The following MS4A10 variants were observed in gnomAD, a reference collection of about 807,000 sequenced individuals.
MS4A10 encodes membrane spanning 4-domains A10, also known as membrane-spanning 4-domains subfamily A member 10.
A neutral mutation model predicts 27.7 loss-of-function variants in MS4A10; 27 were observed. That is an observed-to-expected ratio of 0.98 (90% CI 0.72 to 1.35). The LOEUF (loss-of-function observed/expected upper bound fraction) is 1.35, where lower values mean the gene tolerates loss of function less well. MS4A10 is among the 40% of genes most tolerant of loss of function. The probability of loss-of-function intolerance (pLI) is 0.00; values close to 1 mark genes in which losing one functional copy is unlikely to be tolerated. For synonymous variants in MS4A10, 139 were observed against 131.2 expected, an observed-to-expected ratio of 1.06 and a Z score of -0.41; for missense variants, 338 against 324.7, an observed-to-expected ratio of 1.04 and a Z score of -0.32.
chr11:60,799,785 G>A (rs1363567260), intron 7 of MS4A10, 43 bp from the exon 8 acceptor site: 1 of 905,416 alleles, frequency 1.1e-6, no homozygotes, highest in Non-Finnish European at 1.8e-6. Context: ...CCATCGATCT[G>A]TGACCTAGCT....
chr11:60,794,231 C>T, intron 5 of MS4A10, 128 bp downstream of exon 5: 1 of 1,092,660 alleles, frequency 9.2e-7, no homozygotes, highest in Non-Finnish European at 1.3e-6. Flanking sequence ...GGGCCCTTTG[C>T]CAACCTGTTT....
In MS4A10 at chr11:60,798,516, T is replaced by A; in HGVS notation, c.722+2T>A. On this transcript the variant is annotated splice_donor_variant, in intron 7 of 7. Transcript: ENST00000308287. LOFTEE classifies it high-confidence loss of function. ...CGCACAACACAAGCAACATCAGAGG[T>A]GAAGAGGTTTGGCCCTGGCTCCCCA... 4 of 1,611,844 alleles carry A rather than the reference T, an allele frequency of 2.5e-6. No homozygotes were observed. The highest frequency in any genetic ancestry group is 2.5e-6 in the Non-Finnish European group (3 of 1,178,340).
rs1046934663 is a variant in MS4A10, at chr11:60,790,017, C to T, written c.-22-297C>T. On this transcript the variant is annotated intron_variant, in intron 1 of 7. Coordinates refer to ENST00000308287, the MANE Select transcript of MS4A10 (RefSeq NM_206893.4). ...CAACTCTTCCAAACTGCAGTCTGGC[C>T]ACTTTGGGTGAGCTCTGTCTTCCAC... 6.6e-5 allele frequency among the ~76,000 whole-genome samples: 10 copies of T among 152,188 alleles called. 1 individual carries two copies. The highest frequency in any genetic ancestry group is 2.4e-4 in the African/African-American group (10 of 41,432).
intron 5 of MS4A10, among the ~76,000 whole-genome samples, chr11:60,795,227 A>T (rs1419332191): frequency 6.6e-6 from 1 of 152,082 alleles, no homozygotes; most frequent in African/African-American, 2.4e-5. Flanking sequence ...AGGTACCCCC[A>T]TCTGTCAAAT....
At chr11:60,798,316 G>A in intron 6 of MS4A10, 80 bp from the exon 7 acceptor site, 1 of 1,098,646 alleles carries the variant, frequency 9.1e-7, no homozygotes, top group Non-Finnish European at 1.4e-6. Context: ...CTTCAGAAGT[G>A]AACTAGCAGA....
At chr11:60,789,962 C>T (rs1391589540) in intron 1 of MS4A10, among the ~76,000 whole-genome samples, 2 of 152,138 alleles carry the variant, frequency 1.3e-5, no homozygotes, top group African/African-American at 4.8e-5. Flanking sequence ...TTACAAAGCC[C>T]CTCCATTGAC....
At chr11:60,798,003 T>C (rs1201000212) in intron 6 of MS4A10, among the ~76,000 whole-genome samples, 1 of 152,198 alleles carries the variant, frequency 6.6e-6, no homozygotes, top group Non-Finnish European at 1.5e-5. Context: ...GATGGAGGTG[T>C]GGCAGCAATC....
Position 60,800,222 on chromosome 11 carries a change from C to A in MS4A10, c.*313C>A. 2 of 318,620 alleles carry A rather than the reference C, an allele frequency of 6.3e-6. No homozygotes were observed. The highest frequency in any genetic ancestry group is 1.2e-5 in the Non-Finnish European group (2 of 171,016). 19.7% of individuals were successfully genotyped at this position (318,620 alleles called of 1,614,324 possible). A position where few individuals can be genotyped will look rare whatever the true frequency, so the allele number is the denominator to read the frequency against. The stretch of plus-strand genomic sequence containing the variant: ...CCAGAGTACAGTGGCACTATCTCAG[C>A]TCACTGCAATCTCCGCCTCCCTGGT... On this transcript the variant is annotated 3_prime_UTR_variant, in exon 8 of 8. Coordinates refer to ENST00000308287, the MANE Select transcript of MS4A10 (RefSeq NM_206893.4).
At position 60,794,076 on chromosome 11, in the gene MS4A10, G is replaced by C. The variant is rs150419681; in HGVS notation, c.465G>C (p.Pro155=). The change falls in exon 5 of 8, where the codon CCG becomes CCC. Residue 155 remains proline, a synonymous_variant. Transcript: ENST00000308287. ...DLFLESPFES[P]IWRMYPNSTV... ...TTCTGGAGAGCCCATTTGAGTCCCC[G>C]ATCTGGAGAATGTACCCCAACTCCA... 2.4e-3 allele frequency: 3,848 copies of C among 1,614,100 alleles called. 16 individuals are homozygous for C. Among genetic ancestry groups the C allele is most frequent in the South Asian group, 5.0e-3 (458 of 91,074 alleles).
chr11:60,796,570 G>A (rs1591000908), intron 6 of MS4A10, among the ~76,000 whole-genome samples: 6 of 152,330 alleles, frequency 3.9e-5, no homozygotes, highest in Admixed American at 2.6e-4. Flanking sequence ...ACAGGCATCA[G>A]CCATCATGCC....
chr11:60,791,170 G>T lies in MS4A10; in HGVS notation c.303+77G>T, dbSNP rs140195351. On this transcript the variant is annotated intron_variant, in intron 3 of 7. Transcript: ENST00000308287. ...TGGGAGGCCCTGGCATTTGGGACAG[G>T]ATGCAGGGTGGGATAGAGAGAGCTA... The T allele has an allele frequency of 1.2e-3, 1,851 of 1,581,664 alleles. 20 individuals carry two copies. The African/African-American group carries it at 0.021, about 18-fold the overall frequency.
At position 60,799,934 on chromosome 11, in the gene MS4A10, A is replaced by G. The variant is rs773546459; in HGVS notation, c.*25A>G. 5 of 1,613,960 alleles carry G rather than the reference A, an allele frequency of 3.1e-6. No homozygotes were observed. Among genetic ancestry groups the G allele is most frequent in the East Asian group, 2.2e-5 (1 of 44,892 alleles). ...AAGAGCCACTGCCTGACAATGCCCA[A>G]ACTTGGTTGGAGCATAGCCCCTGCT... On this transcript the variant is annotated 3_prime_UTR_variant, in exon 8 of 8. Coordinates refer to ENST00000308287, the MANE Select transcript of MS4A10 (RefSeq NM_206893.4).
chr11:60,785,931 CCAG>C (rs1854327560), intron 1 of MS4A10, among the ~76,000 whole-genome samples: 1 of 152,088 alleles, frequency 6.6e-6, no homozygotes, highest in South Asian at 2.1e-4. Flanking sequence ...TGCAGGCCTT[CCAG>C]CTGCTGGTGG....
chr11:60,792,939 A>C (rs1336734256), intron 4 of MS4A10, among the ~76,000 whole-genome samples: 4 of 152,134 alleles, frequency 2.6e-5, no homozygotes, highest in Non-Finnish European at 5.9e-5. Context: ...ACACTAAATT[A>C]TTTCTGGGCA....
At chr11:60,793,898 G>A in intron 4 of MS4A10, 74 bp from the exon 5 acceptor site, 1 of 1,547,286 alleles carries the variant, frequency 6.5e-7, no homozygotes, top group Non-Finnish European at 8.8e-7. Context: ...GAAGCTACTG[G>A]CAAGCATGAG....
At chr11:60,786,494 C>T (rs1854340734) in intron 1 of MS4A10, among the ~76,000 whole-genome samples, 2 of 152,122 alleles carry the variant, frequency 1.3e-5, no homozygotes, top group Admixed American at 6.5e-5. Flanking sequence ...ACGGCCCTCT[C>T]CCCCTGTAAG....
intron 5 of MS4A10, 82 bp downstream of exon 5, chr11:60,794,185 C>G: frequency 6.5e-7 from 1 of 1,547,924 alleles, no homozygotes; most frequent in Non-Finnish European, 8.8e-7. Flanking sequence ...TTCCAGCTCA[C>G]AGAAAGCCCC....
chr11:60,795,435 G>A, intron 5 of MS4A10, 120 bp from the exon 6 acceptor site: 3 of 531,120 alleles, frequency 5.6e-6, no homozygotes, highest in African/African-American at 2.0e-5. Context: ...CCTGGGAGCT[G>A]AAACCCCACC....
chr11:60,791,045 T>C lies in MS4A10; in HGVS notation c.255T>C (p.Leu85=). The stretch of plus-strand genomic sequence containing the variant: ...ACCTGGCCTCTATAGTCAAGAACCT[T>C]CACCTGGTGGTGCTGAAGTCTTGGT... ...GGYLASIVKN[L]HLVVLKSWYP... is the part of the protein sequence containing the mutation. The change falls in exon 3 of 8, where the codon CTT becomes CTC. Residue 85 remains leucine, a synonymous_variant. Transcript: ENST00000308287. The C allele has an allele frequency of 1.2e-6, 2 of 1,614,150 alleles. No homozygotes were observed. Among genetic ancestry groups the C allele is most frequent in the Non-Finnish European group, 1.7e-6 (2 of 1,180,020 alleles).
Sources: allele counts gnomAD v4.1 joint callset (sites outside exome capture counted in the v4.1 genomes callset), GRCh38; gene constraint gnomAD v4.1.1; transcripts MANE v1.5; gene names NCBI Gene and HGNC (gene_info 2026-07-23, HGNC 2026-07-21).